The following DNAH2 variants were observed in gnomAD, a reference collection of about 807,000 sequenced individuals.
The protein encoded by DNAH2 is axonemal beta dynein heavy chain 2.
DNAH2 carries 323 observed loss-of-function variants against 523.5 expected under a neutral mutation model. The observed-to-expected ratio is 0.62, with a 90% CI of 0.56 to 0.68. The LOEUF is 0.68. Among genes scored for constraint, DNAH2 ranks in the 30% least tolerant of loss-of-function variants. The probability of loss-of-function intolerance (pLI) is 0.00; values close to 1 mark genes in which losing one functional copy is unlikely to be tolerated. For synonymous variants in DNAH2, 2,093 were observed against 2,177.4 expected (o/e 0.96, Z 1.08); for missense variants, 4,907 against 5,701.5 (o/e 0.86, Z 4.49).
intron 63 of DNAH2, among the ~76,000 whole-genome samples, chr17:7,815,295 G>A (rs1687999681): frequency 6.6e-6 from 1 of 152,250 alleles, no homozygotes. Flanking sequence ...CTCAGTTAAG[G>A]CAGAGCTACT....
Position 7,804,943 on chromosome 17 carries a change from T to C in DNAH2, c.9184-15T>C, listed in dbSNP as rs762846750. ...AGGCAAAGACAAAAAACCCTTGTCC[T>C]TTTTTCATCCCTAGGCCGTAACAGC... On this transcript the variant is annotated splice_polypyrimidine_tract_variant and intron_variant, in intron 59 of 85. Transcript: ENST00000572933. 1 of 1,609,744 alleles carries C rather than the reference T, an allele frequency of 6.2e-7. No homozygotes were observed. Among genetic ancestry groups the C allele is most frequent in the Non-Finnish European group, 8.5e-7 (1 of 1,176,802 alleles).
At chr17:7,819,140 T>G in intron 71 of DNAH2, 69 bp from the exon 72 acceptor site, 2 of 1,604,482 alleles carry the variant, frequency 1.2e-6, no homozygotes, top group Non-Finnish European at 1.7e-6. Context: ...TCGAGACCCC[T>G]CCTTCCCTGA....
chr17:7,806,690 G>C (rs1183320307), intron 61 of DNAH2, among the ~76,000 whole-genome samples: 1 of 142,940 alleles, frequency 7.0e-6, no homozygotes, highest in Non-Finnish European at 1.5e-5. Flanking sequence ...AAAGATAGAA[G>C]AATGTATTGC....
chr17:7,778,865 A>G (rs1447145736), intron 35 of DNAH2, among the ~76,000 whole-genome samples: 2 of 152,204 alleles, frequency 1.3e-5, no homozygotes, highest in African/African-American at 2.4e-5. Flanking sequence ...CACTGCGCCC[A>G]GCCACGTATA....
rs1167392164 is a variant in DNAH2 at position 7,798,171 on chromosome 17, C to T, written c.8245C>T (p.Arg2749Trp). The change falls in exon 54 of 86, where the codon CGG becomes TGG. Residue 2749 changes from arginine (R) to tryptophan (W), a missense_variant. Physicochemically the swap from Arg to Trp is moderately radical, Grantham distance 101 (BLOSUM62 -3). Around this residue, in one of 3 missense-constraint regions of DNAH2, gnomAD observed 250 missense variants for 371.3 expected, o/e 0.67. Coordinates refer to ENST00000572933, the MANE Select transcript of DNAH2 (RefSeq NM_020877.5). The surrounding 1 kb of genome is among the most constrained non-coding windows in gnomAD (Gnocchi z 5.5). ...EAIEHITRIV[R>W]VIGQPRGNML... The stretch of plus-strand genomic sequence containing the variant: ...CCCACCCCCAGTCACACGGATCGTG[C>T]GGGTCATTGGACAGCCTCGGGGCAA... The T allele has an allele frequency of 5.0e-6, 8 of 1,601,704 alleles. No individual in the cohort carries two copies. In the Admixed American group the frequency reaches 5.0e-5, roughly 10 times the overall value.
chr17:7,794,474 G>GTC, intron 49 of DNAH2, 116 bp downstream of exon 49: 1 of 871,734 alleles, frequency 1.1e-6, no homozygotes, highest in Non-Finnish European at 1.7e-6. Context: ...GGAGCTCCAC[G>GTC]CAGGACGCTG....
intron 56 of DNAH2, among the ~76,000 whole-genome samples, chr17:7,801,319 C>T (rs2077217477): frequency 1.3e-5 from 2 of 152,158 alleles, no homozygotes; most frequent in South Asian, 4.1e-4. Flanking sequence ...GACGAGGAAA[C>T]TGGCATTCAA....
chr17:7,798,682 G>A lies in DNAH2; in HGVS notation c.8523G>A (p.Glu2841=). ...TCAACAACATCCTCAGCTCAGGCGA[G>A]GTGCCCAATCTCTACAAGCCTGATG... ...EDINNILSSG[E]VPNLYKPDEF... The change falls in exon 55 of 86, where the codon GAG becomes GAA. Residue 2841 remains glutamate, a synonymous_variant. Transcript: ENST00000572933. The surrounding 1 kb of genome is among the most constrained non-coding windows in gnomAD (Gnocchi z 5.5). 1.9e-6 allele frequency: 3 copies of A among 1,613,966 alleles called. No homozygotes were observed. The highest frequency in any genetic ancestry group is 2.5e-6 in the Non-Finnish European group (3 of 1,180,032).
intron 12 of DNAH2, among the ~76,000 whole-genome samples, chr17:7,749,734 T>G (rs1383307684): frequency 3.3e-5 from 5 of 152,070 alleles, no homozygotes; most frequent in Non-Finnish European, 7.4e-5. Context: ...TGGTGGCTCA[T>G]GCCTCTAATC....
rs201759892 is a variant in DNAH2, at chr17:7,797,631, G to T, written c.8081-49G>T. The T allele has an allele frequency of 9.5e-5, 154 of 1,613,888 alleles. No individual in the cohort carries two copies. In the African/African-American group the frequency reaches 1.8e-3, roughly 19 times the overall value. On this transcript the variant is annotated intron_variant, in intron 52 of 85. Transcript: ENST00000572933. The stretch of plus-strand genomic sequence containing the variant: ...TCTGAAGTGTGGAGCCCTGTGGGGG[G>T]AGGCAAACCAGGCATTTGTGACTCT...
In DNAH2 at chr17:7,801,785, C is replaced by A. The variant is rs1330231643; in HGVS notation, c.8832+75C>A. ...CCGCCTCTCATCTCTCATCGCACCCCCGGCCTCTCTCCTTCCCGCCTCTCA... is the reference window on the plus strand; with the variant it reads ...CCGCCTCTCATCTCTCATCGCACCCACGGCCTCTCTCCTTCCCGCCTCTCA... On this transcript the variant is annotated intron_variant, in intron 57 of 85. Coordinates refer to ENST00000572933, the MANE Select transcript of DNAH2 (RefSeq NM_020877.5). The A allele has an allele frequency of 3.1e-6, 5 of 1,609,642 alleles. No individual in the cohort carries two copies. In the Admixed American group the frequency reaches 8.3e-5, roughly 27 times the overall value.
rs1282212018 is a variant in DNAH2, at chr17:7,760,273, C to A, written c.2785+335C>A. On this transcript the variant is annotated intron_variant, in intron 17 of 85. Transcript: ENST00000572933. This position sits in a 1 kb window ranked among gnomAD's most constrained non-coding sequence, Gnocchi z 4.0. Reference sequence around the variant, plus strand: ...ATCCCAACTACTCAGGAGGCTGAGGCAAAGAATCACCCCGGAGGCGGAGGT... The same window carrying A: ...ATCCCAACTACTCAGGAGGCTGAGGAAAAGAATCACCCCGGAGGCGGAGGT... Among the ~76,000 whole-genome samples the A allele has an allele frequency of 3.9e-5, 6 of 151,916 alleles. No individual in the cohort carries two copies. The highest frequency in any genetic ancestry group is 8.8e-5 in the Non-Finnish European group (6 of 68,006).
intron 8 of DNAH2, chr17:7,738,234 C>T (rs2075200181): frequency 1.7e-5 from 11 of 629,766 alleles, no homozygotes; most frequent in South Asian, 7.2e-5. Flanking sequence ...TTGTATTTTC[C>T]GAGACCCAGG....
chr17:7,816,627 G>C lies in DNAH2; in HGVS notation c.9786G>C (p.Lys3262Asn). 6.2e-7 allele frequency: 1 copy of C among 1,614,228 alleles called. No individual in the cohort carries two copies. The highest frequency in any genetic ancestry group is 8.5e-7 in the Non-Finnish European group (1 of 1,180,034). The part of the protein sequence containing the change: ...KKQYDEKLAQ[K>N]EELRKKSEEM... ...AGTATGATGAGAAGCTGGCACAGAA[G>C]GAGGAGCTTCGCAAGAAGTCTGAAG... The change falls in exon 64 of 86, where the codon AAG (lysine) becomes AAC (asparagine). Residue 3262 changes from lysine to asparagine, a missense_variant. Around this residue, in one of 3 missense-constraint regions of DNAH2, gnomAD observed 1,851 missense variants for 2,139.4 expected, o/e 0.87. Transcript: ENST00000572933.
chr17:7,741,691 T>C (rs975693379), intron 11 of DNAH2, among the ~76,000 whole-genome samples: 4 of 130,966 alleles, frequency 3.1e-5, no homozygotes, highest in African/African-American at 1.2e-4. Context: ...TGAGATGGAG[T>C]TTTGCTCTTG....
At position 7,798,265 on chromosome 17, in the gene DNAH2, A is replaced by T; in HGVS notation, c.8339A>T (p.Asp2780Val). 6.2e-7 allele frequency: 1 copy of T among 1,613,824 alleles called. No individual in the cohort carries two copies. Among genetic ancestry groups the T allele is most frequent in the East Asian group, 2.2e-5 (1 of 44,880 alleles). The change falls in exon 54 of 86, where the codon GAC becomes GTC. Residue 2780 changes from aspartate (D) to valine (V), a missense_variant. Around this residue, in one of 3 missense-constraint regions of DNAH2, gnomAD observed 1,851 missense variants for 2,139.4 expected, o/e 0.87. Transcript: ENST00000572933. The surrounding 1 kb of genome is among the most constrained non-coding windows in gnomAD (Gnocchi z 5.5). ...GCCCGCCTGGCTTCATCCATCTGCGACTACACCACCTTCCAGATCGAGGTC... is the reference window on the plus strand; with the variant it reads ...GCCCGCCTGGCTTCATCCATCTGCGTCTACACCACCTTCCAGATCGAGGTC... ...SLARLASSIC[D>V]YTTFQIEVTK... is the part of the protein sequence containing the mutation.
chr17:7,797,597 G>A (rs2077101655), intron 52 of DNAH2, 67 bp downstream of exon 52: 1 of 1,613,924 alleles, frequency 6.2e-7, no homozygotes, highest in Non-Finnish European at 8.5e-7. Flanking sequence ...AAGGAGTCAG[G>A]GCATGGGGTC....
intron 33 of DNAH2, 151 bp downstream of exon 33, chr17:7,777,785 C>A: frequency 9.6e-7 from 1 of 1,040,016 alleles, no homozygotes; most frequent in Non-Finnish European, 1.4e-6. Flanking sequence ...ATCTCCTCCC[C>A]ACAATCAGGA....
At chr17:7,719,030 C>T (rs1322903304) in intron 1 of DNAH2, among the ~76,000 whole-genome samples, 1 of 151,970 alleles carries the variant, frequency 6.6e-6, no homozygotes, top group Non-Finnish European at 1.5e-5. Context: ...GGCAACCACA[C>T]TTCAGCTTGA....
Sources: gnomAD v4.1 joint callset for allele counts (sites outside exome capture counted in the v4.1 genomes callset) on GRCh38, gnomAD v4.1.1 for gene constraint, gnomAD v4.1.1 regional missense constraint, Gnocchi (gnomAD v3.1) non-coding constraint, MANE v1.5 for transcripts, NCBI Gene and HGNC (gene_info 2026-07-23, HGNC 2026-07-21) for gene names.